Variants in CCDC6 observed in about 807,000 individuals in gnomAD.
CCDC6 encodes coiled-coil domain containing 6, also known as coiled-coil domain-containing protein 6.
Under a neutral mutation model 56.6 loss-of-function variants are expected in CCDC6, and 20 were observed. The ratio of observed to expected loss-of-function variants is 0.35; its 90% CI spans 0.25 to 0.51. CCDC6 has a LOEUF of 0.51. Among genes scored for constraint, CCDC6 ranks in the 20% least tolerant of loss-of-function variants. The probability of loss-of-function intolerance (pLI) is 0.95; values close to 1 mark genes in which losing one functional copy is unlikely to be tolerated. For synonymous variants in CCDC6, 241 were observed against 234.4 expected, an observed-to-expected ratio of 1.03 and a Z score of -0.26; for missense variants, 367 against 601.1, an observed-to-expected ratio of 0.61 and a Z score of 4.07.
rs141212160 is a variant in CCDC6, at chr10:59,875,358, G to A, written c.304-22656C>T. Among the ~76,000 whole-genome samples the A allele has an allele frequency of 5.4e-3, 822 of 152,308 alleles. 3 individuals are homozygous for A. Among genetic ancestry groups the A allele is most frequent in the Middle Eastern group, 0.031 (9 of 294 alleles). On this transcript the variant is annotated intron_variant, in intron 1 of 8. Transcript: ENST00000263102. ...AGAGATCTGCTCATCTAGGGTGGCTGTTACAGGGTACTCAGTGACTGAACC... is the reference window on the plus strand; with the variant it reads ...AGAGATCTGCTCATCTAGGGTGGCTATTACAGGGTACTCAGTGACTGAACC...
intron 7 of CCDC6, among the ~76,000 whole-genome samples, chr10:59,795,177 C>A (rs2070503276): frequency 6.6e-6 from 1 of 151,966 alleles, no homozygotes; most frequent in East Asian, 1.9e-4. Flanking sequence ...AAAAGGCAAC[C>A]TATAGAATGG....
At chr10:59,847,058 T>A (rs1202481582) in intron 2 of CCDC6, among the ~76,000 whole-genome samples, 3 of 37,922 alleles carry the variant, frequency 7.9e-5, no homozygotes, top group Admixed American at 1.9e-4. Flanking sequence ...AATTAGAAAA[T>A]TTTTTTTTTT....
chr10:59,855,299 G>A (rs979989661), intron 1 of CCDC6, among the ~76,000 whole-genome samples: 2 of 152,214 alleles, frequency 1.3e-5, no homozygotes, highest in Admixed American at 6.5e-5. Context: ...CAGGCGCAGT[G>A]GCTCATGCCC....
At chr10:59,850,894 T>C (rs998675481) in intron 2 of CCDC6, among the ~76,000 whole-genome samples, 3 of 152,074 alleles carry the variant, frequency 2.0e-5, no homozygotes, top group Non-Finnish European at 4.4e-5. Flanking sequence ...GTTTTCATTC[T>C]TTTTTATGTT....
intron 1 of CCDC6, among the ~76,000 whole-genome samples, chr10:59,896,994 T>C (rs887816595): frequency 2.6e-5 from 4 of 151,362 alleles, no homozygotes; most frequent in Non-Finnish European, 4.4e-5. Context: ...TACCAGGTAG[T>C]GATTTGAACC....
chr10:59,905,729 TCCAGGAC>T (rs2132692654), intron 1 of CCDC6, among the ~76,000 whole-genome samples: 1 of 152,138 alleles, frequency 6.6e-6, no homozygotes, highest in South Asian at 2.1e-4. Flanking sequence ...TCCTCCCTCT[TCCAGGAC>T]TGGGGTTCCC....
At chr10:59,813,846 G>A (rs10821603) in intron 4 of CCDC6, among the ~76,000 whole-genome samples, 74,455 of 152,038 alleles carry the variant, frequency 0.49, 19,147 homozygotes, top group African/African-American at 0.66. Flanking sequence ...TGGTATGCCT[G>A]TATTTTGCAA....
intron 1 of CCDC6, among the ~76,000 whole-genome samples, chr10:59,878,331 T>C (rs914333087): frequency 1.3e-5 from 2 of 152,184 alleles, no homozygotes; most frequent in Non-Finnish European, 2.9e-5. Flanking sequence ...AGCTCCCCCC[T>C]TGTTTATTTC....
At chr10:59,842,203 C>T (rs2070945892) in intron 2 of CCDC6, among the ~76,000 whole-genome samples, 1 of 151,880 alleles carries the variant, frequency 6.6e-6, no homozygotes, top group Admixed American at 6.6e-5. Flanking sequence ...CATCACACCC[C>T]ACTAACTTAT....
intron 4 of CCDC6, 53 bp downstream of exon 4, chr10:59,814,599 A>AACACACAC (rs111613433): frequency 3.9e-5 from 36 of 927,802 alleles, no homozygotes; most frequent in Non-Finnish European, 6.1e-5. Flanking sequence ...CCAGAGCAGC[A>AACACACAC]ACACACACAC....
intron 2 of CCDC6, among the ~76,000 whole-genome samples, chr10:59,843,449 GAT>G (rs1491566480): frequency 6.6e-6 from 1 of 152,200 alleles, no homozygotes; most frequent in Non-Finnish European, 1.5e-5. Flanking sequence ...CAAGAAAAGT[GAT>G]ATGTTTCCAG....
rs367728541 is a variant in CCDC6 at position 59,814,807 on chromosome 10, T to A, written c.583-52A>T. On this transcript the variant is annotated intron_variant, in intron 3 of 8. Transcript: ENST00000263102. ...AAGTGTCAGGCCACTTATACTTTGT[T>A]AATACATTTTTTGATTGAACAATTA... The A allele has an allele frequency of 1.0e-4, 122 of 1,198,430 alleles. No individual in the cohort carries two copies. The African/African-American group carries it at 1.7e-3, about 17-fold the overall frequency. The allele number at this position is 1,198,430 out of a possible 1,614,324, so 74.2% of individuals were successfully genotyped here.
chr10:59,849,985 C>T (rs2071024172), intron 2 of CCDC6, among the ~76,000 whole-genome samples: 1 of 152,124 alleles, frequency 6.6e-6, no homozygotes, highest in Admixed American at 6.5e-5. Flanking sequence ...ACAGCCCTTC[C>T]CCTGCTGCAG....
intron 1 of CCDC6, among the ~76,000 whole-genome samples, chr10:59,887,392 T>G (rs1279320532): frequency 6.6e-6 from 1 of 151,102 alleles, no homozygotes; most frequent in Non-Finnish European, 1.5e-5. Flanking sequence ...ACGTTCAAGG[T>G]GACGGTGACA....
At chr10:59,899,543 T>C (rs902976511) in intron 1 of CCDC6, among the ~76,000 whole-genome samples, 2 of 152,194 alleles carry the variant, frequency 1.3e-5, no homozygotes, top group African/African-American at 2.4e-5. Context: ...CCTACCCTGT[T>C]TTCAGATGCT....
chr10:59,877,857 C>T (rs1333419102), intron 1 of CCDC6, among the ~76,000 whole-genome samples: 2 of 152,126 alleles, frequency 1.3e-5, no homozygotes, highest in Non-Finnish European at 2.9e-5. Flanking sequence ...AAACACAAAA[C>T]AAAATCACTT....
intron 5 of CCDC6, among the ~76,000 whole-genome samples, chr10:59,811,578 T>C (rs10821602): frequency 0.1 from 15,472 of 152,096 alleles, 1,250 homozygotes; most frequent in African/African-American, 0.22. Context: ...CTACAATGCA[T>C]AGTAAGCGAA....
chr10:59,831,899 C>T (rs780716667), intron 3 of CCDC6, among the ~76,000 whole-genome samples: 1 of 152,196 alleles, frequency 6.6e-6, no homozygotes, highest in Non-Finnish European at 1.5e-5. Context: ...TTACTACTTC[C>T]CACCTTTGTC....
rs554818599 is a variant in CCDC6 at position 59,857,842 on chromosome 10, T to C, written c.304-5140A>G. Among the ~76,000 whole-genome samples, 4 of 152,328 alleles carry C rather than the reference T, an allele frequency of 2.6e-5. No individual in the cohort carries two copies. In the South Asian group the frequency reaches 8.3e-4, roughly 32 times the overall value. ...GTTGTCTAGTCACAAATTAATGATCTTAACATCTCAGTTTAAAATAGCATC... is the reference window on the plus strand; with the variant it reads ...GTTGTCTAGTCACAAATTAATGATCCTAACATCTCAGTTTAAAATAGCATC... On this transcript the variant is annotated intron_variant, in intron 1 of 8. Coordinates refer to ENST00000263102, the MANE Select transcript of CCDC6 (RefSeq NM_005436.5).
Sources: gnomAD v4.1 joint callset for allele counts (sites outside exome capture counted in the v4.1 genomes callset) on GRCh38, gnomAD v4.1.1 for gene constraint, MANE v1.5 for transcripts, NCBI Gene and HGNC (gene_info 2026-07-23, HGNC 2026-07-21) for gene names.